HHIP: variants seen among roughly 807,000 people sequenced by gnomAD.
HHIP encodes the protein hedgehog interacting protein.
HHIP carries 12 observed loss-of-function variants against 74.0 expected under a neutral mutation model. The observed-to-expected ratio is 0.16, with a 90% CI of 0.10 to 0.26. HHIP has a LOEUF of 0.26. Among genes scored for constraint, HHIP ranks in the 10% least tolerant of loss-of-function variants. The pLI, the probability that HHIP is intolerant of heterozygous loss-of-function variation, is 1.00. For synonymous variants in HHIP, 309 were observed against 311.6 expected (o/e 0.99, Z 0.09); for missense variants, 788 against 845.0 (o/e 0.93, Z 0.84).
At chr4:144,734,687 T>C in intron 11 of HHIP, 54 bp from the exon 12 acceptor site, 2 of 1,378,262 alleles carry the variant, frequency 1.5e-6, no homozygotes. Context: ...TAGATTTCAT[T>C]CCACTGTTGA....
chr4:144,724,820 A>G (rs1730752953), intron 11 of HHIP, among the ~76,000 whole-genome samples: 2 of 151,540 alleles, frequency 1.3e-5, no homozygotes, highest in East Asian at 3.9e-4. Context: ...TAAGCTATCA[A>G]TTTTGATACT....
chr4:144,693,338 C>G (rs373740976), intron 4 of HHIP, among the ~76,000 whole-genome samples: 1 of 152,142 alleles, frequency 6.6e-6, no homozygotes, highest in East Asian at 1.9e-4. Flanking sequence ...ACAACACAGT[C>G]TCAAGCAATT....
rs568416200 is a variant in HHIP, at chr4:144,740,117, G to T, written c.*2160G>T. 6.6e-6 allele frequency: 1 copy of T among 152,022 alleles called. No homozygotes were observed. The highest frequency in any genetic ancestry group is 2.4e-5 in the African/African-American group (1 of 41,384). The allele number at this position is 152,022 out of a possible 1,614,324, so 9.4% of individuals were successfully genotyped here. On this transcript the variant is annotated 3_prime_UTR_variant, in exon 13 of 13. Transcript: ENST00000296575. Reference sequence around the variant, plus strand: ...GCCAGCTGTCTAAATCTGTCAAATCGTGCAGTTTTATTACACATTCTCCAA... The same window carrying T: ...GCCAGCTGTCTAAATCTGTCAAATCTTGCAGTTTTATTACACATTCTCCAA...
chr4:144,681,031 A>T (rs2126620983), intron 4 of HHIP, among the ~76,000 whole-genome samples: 1 of 152,352 alleles, frequency 6.6e-6, no homozygotes. Context: ...GAAAATGACC[A>T]ATTTTCAAAG....
At chr4:144,700,318 G>A (rs983798931) in intron 4 of HHIP, among the ~76,000 whole-genome samples, 2 of 152,298 alleles carry the variant, frequency 1.3e-5, no homozygotes, top group Middle Eastern at 3.4e-3. Context: ...AGGAGGGCAT[G>A]GCCATGAAGA....
intron 2 of HHIP, among the ~76,000 whole-genome samples, chr4:144,653,022 T>C (rs1360548846): frequency 1.3e-5 from 2 of 152,294 alleles, no homozygotes; most frequent in African/African-American, 4.8e-5. Context: ...TGACTTGTTA[T>C]ATATTTCTTG....
intron 2 of HHIP, 62 bp from the exon 3 acceptor site, chr4:144,658,728 A>T: frequency 7.3e-7 from 1 of 1,370,782 alleles, no homozygotes; most frequent in East Asian, 2.3e-5. Flanking sequence ...TATATCTTTC[A>T]AATAAGGTGG....
At chr4:144,660,799 T>C (rs530496632) in intron 4 of HHIP, among the ~76,000 whole-genome samples, 197 of 152,298 alleles carry the variant, frequency 1.3e-3, no homozygotes, top group African/African-American at 4.3e-3. Context: ...TTGTAAATAA[T>C]GTTATTTATT....
intron 4 of HHIP, among the ~76,000 whole-genome samples, chr4:144,678,759 T>A (rs899663992): frequency 6.6e-6 from 1 of 152,230 alleles, no homozygotes; most frequent in African/African-American, 2.4e-5. Context: ...CCATGGTGTA[T>A]GTATGTCACA....
At chr4:144,722,898 C>G (rs1372980725) in intron 11 of HHIP, among the ~76,000 whole-genome samples, 1 of 151,884 alleles carries the variant, frequency 6.6e-6, no homozygotes, top group East Asian at 1.9e-4. Flanking sequence ...CAAATTATAC[C>G]TTGGATGCTC....
rs1335588922 is a variant in HHIP, at chr4:144,745,077, T to C, written c.*7120T>C. The C allele has an allele frequency of 6.6e-6, 1 of 152,200 alleles. No individual in the cohort carries two copies. Among genetic ancestry groups the C allele is most frequent in the Non-Finnish European group, 1.5e-5 (1 of 68,030 alleles). The allele number at this position is 152,200 out of a possible 1,614,324, so 9.4% of individuals were successfully genotyped here. A position where few individuals can be genotyped will look rare whatever the true frequency, so the allele number is the denominator to read the frequency against. On this transcript the variant is annotated 3_prime_UTR_variant, in exon 13 of 13. Coordinates refer to ENST00000296575, the MANE Select transcript of HHIP (RefSeq NM_022475.3). ...AAAATAGAACAATTGTATCTTGAAG[T>C]GGTAAATGCAGAGAATTGGTTTTAT...
At chr4:144,697,924 T>C (rs1195373367) in intron 4 of HHIP, among the ~76,000 whole-genome samples, 1 of 152,134 alleles carries the variant, frequency 6.6e-6, no homozygotes, top group Non-Finnish European at 1.5e-5. Context: ...CTAGTATTAC[T>C]GATTTATTTT....
chr4:144,702,321 T>A (rs554836121), intron 4 of HHIP, among the ~76,000 whole-genome samples: 36 of 152,328 alleles, frequency 2.4e-4, no homozygotes, highest in African/African-American at 8.2e-4. Flanking sequence ...CTAGGTCTGA[T>A]CTTGTATTTA....
At chr4:144,666,458 A>G (rs1055115359) in intron 4 of HHIP, among the ~76,000 whole-genome samples, 2 of 152,096 alleles carry the variant, frequency 1.3e-5, no homozygotes, top group African/African-American at 4.8e-5. Context: ...TAGTCATTTC[A>G]TTGATTACTT....
intron 4 of HHIP, among the ~76,000 whole-genome samples, chr4:144,676,605 CA>C (rs1473564424): frequency 2.0e-5 from 3 of 152,178 alleles, no homozygotes; most frequent in Non-Finnish European, 4.4e-5. Flanking sequence ...ATGCAATGAA[CA>C]AGGCCCATCT....
intron 4 of HHIP, among the ~76,000 whole-genome samples, chr4:144,662,389 T>A (rs961832530): frequency 2.0e-5 from 3 of 152,184 alleles, no homozygotes; most frequent in Non-Finnish European, 2.9e-5. Flanking sequence ...CACACCAAGA[T>A]CGTGCTGCCT....
At chr4:144,658,098 G>A (rs1369093704) in intron 2 of HHIP, among the ~76,000 whole-genome samples, 1 of 152,082 alleles carries the variant, frequency 6.6e-6, no homozygotes, top group Non-Finnish European at 1.5e-5. Flanking sequence ...ATCTGAGGAA[G>A]TTATTTAGTA....
At chr4:144,692,339 G>A (rs1006366484) in intron 4 of HHIP, among the ~76,000 whole-genome samples, 6 of 152,126 alleles carry the variant, frequency 3.9e-5, no homozygotes, top group African/African-American at 1.4e-4. Context: ...CTCAGATACC[G>A]AAAATTCTCC....
At chr4:144,678,485 GC>G (rs1428063008) in intron 4 of HHIP, among the ~76,000 whole-genome samples, 1 of 152,012 alleles carries the variant, frequency 6.6e-6, no homozygotes, top group Non-Finnish European at 1.5e-5. Flanking sequence ...GTGGTTTGCT[GC>G]ACCTATCAAC....
Sources: allele counts gnomAD v4.1 joint callset (sites outside exome capture counted in the v4.1 genomes callset), GRCh38; gene constraint gnomAD v4.1.1; transcripts MANE v1.5; gene names NCBI Gene and HGNC (gene_info 2026-07-23, HGNC 2026-07-21).